The following SLC35H1 variants were observed in gnomAD, a reference collection of about 807,000 sequenced individuals.
The protein encoded by SLC35H1 is solute carrier family 35 member H1.
chr20:46,360,102 T>A, the SLC35H1 span, among the ~76,000 whole-genome samples: 1 of 152,318 alleles, frequency 6.6e-6, no homozygotes, highest in South Asian at 2.1e-4. Flanking sequence ...CTGCTCTGCA[T>A]CCCGCACGAC....
At chr20:46,352,104 G>A in the SLC35H1 span, 1 of 1,614,216 alleles carries the variant, frequency 6.2e-7, no homozygotes, top group Admixed American at 1.7e-5. Flanking sequence ...GAGACCAGGA[G>A]GAACTCAGAG....
At chr20:46,353,772 C>T in the SLC35H1 span, among the ~76,000 whole-genome samples, 1 of 151,690 alleles carries the variant, frequency 6.6e-6, no homozygotes, top group Admixed American at 6.6e-5. Context: ...AGAGATGGGG[C>T]ATGGTGTAAA....
chr20:46,347,485 A>G, the SLC35H1 span: 1 of 152,246 alleles, frequency 6.6e-6, no homozygotes, highest in Middle Eastern at 3.2e-3. Flanking sequence ...TCTGTCCCCA[A>G]GTCCGGCAGT....
At chr20:46,351,690 C>A in the SLC35H1 span, among the ~76,000 whole-genome samples, 1 of 152,240 alleles carries the variant, frequency 6.6e-6, no homozygotes. Context: ...GCTGTTCAAC[C>A]TGTGGCTCCA....
the SLC35H1 span, among the ~76,000 whole-genome samples, chr20:46,359,707 G>A: frequency 6.6e-6 from 1 of 152,204 alleles, no homozygotes; most frequent in Non-Finnish European, 1.5e-5. Context: ...TGTGCCTGGA[G>A]GAGCCTCAGG....
chr20:46,359,016 CAG>C, the SLC35H1 span: 1 of 502,842 alleles, frequency 2.0e-6, no homozygotes, highest in Non-Finnish European at 3.6e-6. Flanking sequence ...CAGCAGCTTC[CAG>C]TGCTTTTCTG....
chr20:46,355,701 G>C, the SLC35H1 span: 16 of 1,560,668 alleles, frequency 1.0e-5, no homozygotes, highest in Non-Finnish European at 1.4e-5. The surrounding 1 kb of genome is among the most constrained non-coding windows in gnomAD (Gnocchi z 4.8). Flanking sequence ...GACTGGGCTT[G>C]TCTCCTCTGT....
At chr20:46,362,309 G>C in the SLC35H1 span, among the ~76,000 whole-genome samples, 1 of 152,200 alleles carries the variant, frequency 6.6e-6, no homozygotes, top group Non-Finnish European at 1.5e-5. Context: ...GCTCAGGAAG[G>C]AAAGTCCATA....
the SLC35H1 span, among the ~76,000 whole-genome samples, chr20:46,358,182 C>T: frequency 7.4e-4 from 112 of 152,340 alleles, 1 homozygote; most frequent in East Asian, 0.016. Flanking sequence ...TCACACCCCC[C>T]GCTCTCCTTG....
At chr20:46,357,909 C>T in the SLC35H1 span, 8 of 879,892 alleles carry the variant, frequency 9.1e-6, no homozygotes, top group African/African-American at 1.7e-5. Context: ...GTGTGTAGGG[C>T]CCTTAGTTAC....
chr20:46,359,674 G>A, the SLC35H1 span, among the ~76,000 whole-genome samples: 18 of 152,292 alleles, frequency 1.2e-4, no homozygotes, highest in African/African-American at 3.1e-4. Flanking sequence ...ATGAGTGCCC[G>A]GAGCATGCCG....
At chr20:46,355,320 A>G in the SLC35H1 span, 1 of 1,486,674 alleles carries the variant, frequency 6.7e-7, no homozygotes, top group Non-Finnish European at 9.0e-7. This position sits in a 1 kb window ranked among gnomAD's most constrained non-coding sequence, Gnocchi z 4.8. Context: ...GCCTGGGGTC[A>G]GCAGCCATCT....
At chr20:46,358,580 G>C in the SLC35H1 span, 7 of 1,609,384 alleles carry the variant, frequency 4.3e-6, no homozygotes, top group Non-Finnish European at 5.9e-6. Context: ...TGTGCAGGAA[G>C]AGCCGGTGGA....
the SLC35H1 span, chr20:46,358,649 A>G: frequency 1.9e-6 from 3 of 1,554,026 alleles, no homozygotes; most frequent in East Asian, 2.4e-5. Context: ...CTGCAGCTCC[A>G]TGATTCGGAA....
chr20:46,355,115 G>A, the SLC35H1 span: 9 of 1,614,090 alleles, frequency 5.6e-6, no homozygotes, highest in Non-Finnish European at 5.9e-6. This position sits in a 1 kb window ranked among gnomAD's most constrained non-coding sequence, Gnocchi z 4.8. Context: ...AGGGTCCAGC[G>A]AATGCCACCG....
At chr20:46,352,020 G>T in the SLC35H1 span, 1 of 1,610,448 alleles carries the variant, frequency 6.2e-7, no homozygotes, top group South Asian at 1.1e-5. Flanking sequence ...CCCTCTCTAA[G>T]ACAGGACTGG....
chr20:46,357,572 G>T, the SLC35H1 span: 1 of 1,587,726 alleles, frequency 6.3e-7, no homozygotes, highest in South Asian at 1.1e-5. Context: ...CTCATCCTAT[G>T]GTTCCCCAGC....
At chr20:46,349,559 G>A in the SLC35H1 span, 2 of 152,362 alleles carry the variant, frequency 1.3e-5, no homozygotes, top group African/African-American at 2.4e-5. Flanking sequence ...CATTTAATCT[G>A]TTACTAATAA....
At chr20:46,353,203 GC>G in the SLC35H1 span, 1 of 152,200 alleles carries the variant, frequency 6.6e-6, no homozygotes, top group African/African-American at 2.4e-5. Flanking sequence ...AAAATGAGAG[GC>G]CTGGGACCAG....
Sources: allele counts gnomAD v4.1 joint callset (sites outside exome capture counted in the v4.1 genomes callset), GRCh38; gene constraint gnomAD v4.1.1; non-coding constraint Gnocchi (gnomAD v3.1); transcripts MANE v1.5; gene names NCBI Gene and HGNC (gene_info 2026-07-23, HGNC 2026-07-21).